The following VPS35L variants were observed in gnomAD, a reference collection of about 807,000 sequenced individuals.
VPS35L encodes the protein VPS35 endosomal protein-sorting factor-like.
Under a neutral mutation model 133.0 loss-of-function variants are expected in VPS35L, and 83 were observed. The ratio of observed to expected loss-of-function variants is 0.62; its 90% CI spans 0.52 to 0.75. The LOEUF is 0.75. Among genes scored for constraint, VPS35L ranks in the 30% least tolerant of loss-of-function variants. VPS35L has a pLI of 0.00. For synonymous variants in VPS35L, 423 were observed against 449.9 expected, an observed-to-expected ratio of 0.94 and a Z score of 0.76; for missense variants, 1,083 against 1,206.8, an observed-to-expected ratio of 0.90 and a Z score of 1.52.
chr16:19,627,613 T>C, intron 15 of VPS35L, 81 bp from the exon 16 acceptor site: 1 of 1,132,580 alleles, frequency 8.8e-7, no homozygotes, highest in Non-Finnish European at 1.3e-6. Context: ...TTAGTCTTCC[T>C]TCCTGGCAAT....
chr16:19,645,879 T>C (rs1973931310), intron 23 of VPS35L, among the ~76,000 whole-genome samples: 1 of 152,188 alleles, frequency 6.6e-6, no homozygotes, highest in Non-Finnish European at 1.5e-5. Context: ...ACGCCAGATA[T>C]CCACTCCCCA....
intron 7 of VPS35L, among the ~76,000 whole-genome samples, chr16:19,587,574 C>T (rs905254210): frequency 4.0e-5 from 6 of 148,914 alleles, no homozygotes; most frequent in Non-Finnish European, 5.9e-5. Context: ...GCGGAGGTTG[C>T]GGTGAGCCAA....
chr16:19,650,409 A>G lies in VPS35L; in HGVS notation c.2056A>G (p.Arg686Gly). 6.2e-7 allele frequency: 1 copy of G among 1,613,756 alleles called. No homozygotes were observed. Among genetic ancestry groups the G allele is most frequent in the Non-Finnish European group, 8.5e-7 (1 of 1,179,680 alleles). Residue 686 changes from arginine (R) to glycine (G), a missense_variant, in exon 25 of 31, where the codon AGA becomes GGA. By Grantham distance (125) the Arg-to-Gly change is moderately radical. Coordinates refer to ENST00000417362, the MANE Select transcript of VPS35L (RefSeq NM_020314.7). ...TGTGAACCGGTTGGCAATGGAGACA[A>G]GAAAAGTAATGAAAGGAAATCATTC... ...HSVNRLAMETRKVMKGNHSRK... is the reference protein window; with the variant it reads ...HSVNRLAMETGKVMKGNHSRK...
chr16:19,699,291 C>T lies in VPS35L; in HGVS notation c.2647-211C>T. ...AGAGCTTCGTCATCTTACTGAATCCCCGCCCTTTGCAGGGGTGACCTTACT... is the reference window on the plus strand; with the variant it reads ...AGAGCTTCGTCATCTTACTGAATCCTCGCCCTTTGCAGGGGTGACCTTACT... On this transcript the variant is annotated intron_variant, in intron 29 of 30. Coordinates refer to ENST00000417362, the MANE Select transcript of VPS35L (RefSeq NM_020314.7). The surrounding 1 kb of genome is among the most constrained non-coding windows in gnomAD (Gnocchi z 4.2). 1.9e-6 allele frequency: 1 copy of T among 540,334 alleles called. No individual in the cohort carries two copies. The highest frequency in any genetic ancestry group is 3.3e-6 in the Non-Finnish European group (1 of 303,644). The allele number at this position is 540,334 out of a possible 1,614,324, so 33.5% of individuals were successfully genotyped here.
chr16:19,681,847 G>A (rs879714686), intron 27 of VPS35L, among the ~76,000 whole-genome samples: 8 of 150,702 alleles, frequency 5.3e-5, no homozygotes, highest in Non-Finnish European at 8.8e-5. Context: ...TACGATACCC[G>A]CGATCCTGCT....
chr16:19,697,949 C>T (rs746007843), intron 29 of VPS35L, among the ~76,000 whole-genome samples: 1 of 152,198 alleles, frequency 6.6e-6, no homozygotes, highest in South Asian at 2.1e-4. Context: ...CCTCAGGTGC[C>T]TCATCTGCAG....
At chr16:19,698,679 C>T (rs1271977824) in intron 29 of VPS35L, among the ~76,000 whole-genome samples, 1 of 152,152 alleles carries the variant, frequency 6.6e-6, no homozygotes, top group Non-Finnish European at 1.5e-5. Flanking sequence ...CATTCACTGT[C>T]AGGGAGCAGA....
intron 28 of VPS35L, among the ~76,000 whole-genome samples, chr16:19,683,604 A>G (rs1975361473): frequency 6.6e-6 from 1 of 152,178 alleles, no homozygotes. Context: ...CTCCAGTTGC[A>G]CCCATGTTGC....
intron 28 of VPS35L, 121 bp downstream of exon 28, chr16:19,682,511 TC>T: frequency 9.0e-7 from 1 of 1,110,102 alleles, no homozygotes; most frequent in Non-Finnish European, 1.3e-6. Context: ...GAACTTCTAG[TC>T]CAGGGTCTCA....
chr16:19,693,855 G>A (rs530830050), intron 29 of VPS35L, among the ~76,000 whole-genome samples: 18 of 151,130 alleles, frequency 1.2e-4, no homozygotes, highest in Admixed American at 5.3e-4. Context: ...AGGCTGAGGC[G>A]GGAATTGAAG....
In VPS35L at chr16:19,573,369, G is replaced by A; in HGVS notation, c.408+128G>A. 1.2e-5 allele frequency: 13 copies of A among 1,102,172 alleles called. No homozygotes were observed. The South Asian group carries it at 1.8e-4, about 15-fold the overall frequency. The allele number at this position is 1,102,172 out of a possible 1,614,324, so 68.3% of individuals were successfully genotyped here. On this transcript the variant is annotated intron_variant, in intron 4 of 30. Coordinates refer to ENST00000417362, the MANE Select transcript of VPS35L (RefSeq NM_020314.7). ...ATTTATTTTTCTACTTCTCTTAAAA[G>A]CTCACATATAAGGCTTCATGTAGTA...
intron 26 of VPS35L, among the ~76,000 whole-genome samples, chr16:19,668,692 T>C (rs1178903064): frequency 1.3e-5 from 2 of 152,052 alleles, no homozygotes; most frequent in African/African-American, 4.8e-5. Context: ...CAAACTGACC[T>C]GGGTTTGAGC....
chr16:19,629,625 A>G, intron 17 of VPS35L, 142 bp from the exon 18 acceptor site: 1 of 594,436 alleles, frequency 1.7e-6, no homozygotes, highest in South Asian at 2.9e-5. Flanking sequence ...ATTCCTAAAT[A>G]AAAGATCAGC....
chr16:19,564,983 T>C (rs1207782864), intron 2 of VPS35L, 33 bp downstream of exon 2: 10 of 1,461,228 alleles, frequency 6.8e-6, no homozygotes, highest in Non-Finnish European at 9.6e-6. Context: ...CTGAATGATA[T>C]TCTTATCCCT....
rs552801502 is a variant in VPS35L at position 19,682,350 on chromosome 16, C to T, written c.2487C>T (p.Ser829=). The T allele has an allele frequency of 7.2e-5, 116 of 1,614,192 alleles. No individual in the cohort carries two copies. Among genetic ancestry groups the T allele is most frequent in the Admixed American group, 1.8e-4 (11 of 60,028 alleles). The stretch of plus-strand genomic sequence containing the variant: ...ACACCTGCGTCCTGCATCTCCTCTC[C>T]GCCATGAGCCAGGAGACGTACCTTT... ...RIYTCVLHLL[S]AMSQETYLYH... Residue 829 remains serine (S), a synonymous_variant, in exon 28 of 31, where the codon TCC becomes TCT. Transcript: ENST00000417362.
In VPS35L at chr16:19,630,403, G is replaced by A. The variant is rs562356281; in HGVS notation, c.1554+583G>A. On this transcript the variant is annotated intron_variant, in intron 18 of 30. Coordinates refer to ENST00000417362, the MANE Select transcript of VPS35L (RefSeq NM_020314.7). ...GGCTGGAGTGTGGTGGCGTGGTCTC[G>A]GCTCACTGCAAGCTCCGCCTCCCGG... is the stretch of plus-strand genomic sequence containing the variant. Among the ~76,000 whole-genome samples the A allele has an allele frequency of 1.1e-3, 165 of 144,262 alleles. 1 individual carries two copies. Among genetic ancestry groups the A allele is most frequent in the African/African-American group, 4.2e-3 (160 of 38,148 alleles). 94.6% of individuals were successfully genotyped at this position (144,262 alleles called of 152,430 possible).
At chr16:19,619,497 T>C (rs1003150703) in intron 14 of VPS35L, among the ~76,000 whole-genome samples, 6 of 152,104 alleles carry the variant, frequency 3.9e-5, no homozygotes, top group African/African-American at 1.4e-4. Context: ...ACTCGACTGT[T>C]TTCTTGGTAT....
intron 27 of VPS35L, among the ~76,000 whole-genome samples, chr16:19,670,454 AATGAGG>A (rs1048486994): frequency 6.6e-6 from 1 of 152,178 alleles, no homozygotes; most frequent in African/African-American, 2.4e-5. Context: ...TTGTCTATAA[AATGAGG>A]ATAAGAACTG....
chr16:19,569,464 G>A lies in VPS35L; in HGVS notation c.158G>A (p.Ser53Asn). 2 of 1,604,862 alleles carry A rather than the reference G, an allele frequency of 1.2e-6. No homozygotes were observed. The highest frequency in any genetic ancestry group is 1.7e-6 in the Non-Finnish European group (2 of 1,175,894). Reference sequence around the variant, plus strand: ...ACAAAGAAAGTGAACCGGAAAGGAAGCACTTCTTCCACGTCCTCCTCCTCC... The same window carrying A: ...ACAAAGAAAGTGAACCGGAAAGGAAACACTTCTTCCACGTCCTCCTCCTCC... ...SKTKKVNRKG[S>N]TSSTSSSSSS... The change falls in exon 3 of 31, where the codon AGC (serine) becomes AAC (asparagine). Residue 53 changes from serine to asparagine, a missense_variant. By Grantham distance (46) the Ser-to-Asn change is conservative. Coordinates refer to ENST00000417362, the MANE Select transcript of VPS35L (RefSeq NM_020314.7).
Sources: gnomAD v4.1 joint callset for allele counts (sites outside exome capture counted in the v4.1 genomes callset) on GRCh38, gnomAD v4.1.1 for gene constraint, Gnocchi (gnomAD v3.1) non-coding constraint, MANE v1.5 for transcripts, NCBI Gene and HGNC (gene_info 2026-07-23, HGNC 2026-07-21) for gene names.